The following NRXN3 variants were observed in gnomAD, a reference collection of about 807,000 sequenced individuals.
NRXN3 encodes the protein neurexin 3, also known as neurexin III.
A neutral mutation model predicts 137.6 loss-of-function variants in NRXN3; 32 were observed. The ratio of observed to expected loss-of-function variants is 0.23; its 90% CI spans 0.18 to 0.31. NRXN3 has a LOEUF of 0.31. Ranked by LOEUF, NRXN3 falls within the 10% of genes least tolerant of loss-of-function variation. NRXN3 has a pLI of 1.00. For synonymous variants in NRXN3, 798 were observed against 784.5 expected (o/e 1.02, Z -0.29); for missense variants, 1,574 against 2,062.5 (o/e 0.76, Z 4.59).
At chr14:78,728,679 C>T (rs1457441709) in intron 8 of NRXN3, among the ~76,000 whole-genome samples, 1 of 152,030 alleles carries the variant, frequency 6.6e-6, no homozygotes, top group Non-Finnish European at 1.5e-5. Context: ...GGGCGGATCA[C>T]GAGGTCATGA....
In NRXN3 at chr14:79,731,836, A is replaced by AT. The variant is rs888873335; in HGVS notation, c.4014+33909dup. ...TTTTTATTTTTTATTTTTTTTTTTA[A>AT]TTTTTTTTTTGGTTGCTTTTAGCCA... On this transcript the variant is annotated intron_variant, in intron 19 of 20. Transcript: ENST00000335750. Among the ~76,000 whole-genome samples the AT allele has an allele frequency of 7.0e-4, 102 of 146,158 alleles. 1 individual carries two copies. Among genetic ancestry groups the AT allele is most frequent in the South Asian group, 1.1e-3 (5 of 4,596 alleles).
intron 4 of NRXN3, among the ~76,000 whole-genome samples, chr14:78,503,490 C>A (rs1399657324): frequency 2.6e-5 from 4 of 152,114 alleles, no homozygotes; most frequent in East Asian, 1.9e-4. Flanking sequence ...CAGCTGGGAT[C>A]GTGATCTTCA....
intron 1 of NRXN3, among the ~76,000 whole-genome samples, chr14:78,197,519 C>T (rs2061337546): frequency 6.6e-6 from 1 of 152,238 alleles, no homozygotes; most frequent in Non-Finnish European, 1.5e-5. Flanking sequence ...GCCTCTCATG[C>T]TGCTTTCCTC....
chr14:79,540,389 A>T (rs1177978499), intron 16 of NRXN3, among the ~76,000 whole-genome samples: 1 of 152,168 alleles, frequency 6.6e-6, no homozygotes, highest in Non-Finnish European at 1.5e-5. Flanking sequence ...TGTTTAGCGT[A>T]TTCATCACCT....
At chr14:79,206,535 T>C (rs2066814515) in intron 15 of NRXN3, among the ~76,000 whole-genome samples, 1 of 152,194 alleles carries the variant, frequency 6.6e-6, no homozygotes, top group Admixed American at 6.5e-5. Flanking sequence ...TTCCATGAGC[T>C]GAAGTATACA....
chr14:78,827,883 C>T (rs1364353863), intron 10 of NRXN3, among the ~76,000 whole-genome samples: 1 of 152,216 alleles, frequency 6.6e-6, no homozygotes, highest in Non-Finnish European at 1.5e-5. Flanking sequence ...ACTTACAGAA[C>T]ACTTTGTTCT....
chr14:78,257,651 A>G (rs1397775558), intron 2 of NRXN3, among the ~76,000 whole-genome samples: 2 of 152,222 alleles, frequency 1.3e-5, no homozygotes, highest in Non-Finnish European at 2.9e-5. Context: ...TGCGGTAGTC[A>G]ATGTGGTTGG....
chr14:78,994,012 T>A (rs1245180905), intron 15 of NRXN3, among the ~76,000 whole-genome samples: 2 of 151,586 alleles, frequency 1.3e-5, no homozygotes, highest in African/African-American at 4.8e-5. Flanking sequence ...ACACACCACG[T>A]CCAGCTAATT....
chr14:79,830,559 G>A (rs1306510219), intron 20 of NRXN3, among the ~76,000 whole-genome samples: 1 of 152,142 alleles, frequency 6.6e-6, no homozygotes, highest in East Asian at 1.9e-4. Context: ...ATGAAAATTA[G>A]GGGTTGCCTA....
At chr14:79,711,905 C>G (rs1255427279) in intron 19 of NRXN3, among the ~76,000 whole-genome samples, 2 of 152,158 alleles carry the variant, frequency 1.3e-5, no homozygotes, top group Admixed American at 1.3e-4. Context: ...GACTGGATAA[C>G]TGGGAAGGGC....
At chr14:78,228,753 C>T (rs1443573775) in intron 1 of NRXN3, among the ~76,000 whole-genome samples, 2 of 152,192 alleles carry the variant, frequency 1.3e-5, no homozygotes, top group Non-Finnish European at 2.9e-5. Context: ...TCTAGTCTAG[C>T]TCTTAACTGA....
At chr14:78,510,324 A>G (rs1406555518) in intron 4 of NRXN3, among the ~76,000 whole-genome samples, 1 of 152,078 alleles carries the variant, frequency 6.6e-6, no homozygotes, top group Non-Finnish European at 1.5e-5. Flanking sequence ...TAATAATAAC[A>G]ATTAGTTAAC....
intron 15 of NRXN3, among the ~76,000 whole-genome samples, chr14:79,153,339 A>C (rs892579819): frequency 6.6e-6 from 1 of 152,026 alleles, no homozygotes; most frequent in Admixed American, 6.6e-5. Context: ...TTTTAGGAAT[A>C]TGATTATATA....
At chr14:79,576,147 T>C (rs762573362) in intron 16 of NRXN3, among the ~76,000 whole-genome samples, 10 of 152,184 alleles carry the variant, frequency 6.6e-5, no homozygotes, top group Non-Finnish European at 1.2e-4. Context: ...TAGCTAAGTA[T>C]AGGAGCAGAA....
At chr14:78,543,860 T>C (rs1325774742) in intron 4 of NRXN3, among the ~76,000 whole-genome samples, 2 of 151,990 alleles carry the variant, frequency 1.3e-5, no homozygotes, top group African/African-American at 4.8e-5. Flanking sequence ...AACAAAAAAG[T>C]CAAAGCCGGA....
intron 15 of NRXN3, among the ~76,000 whole-genome samples, chr14:79,259,304 T>C (rs1330402133): frequency 1.3e-5 from 2 of 152,084 alleles, no homozygotes; most frequent in African/African-American, 2.4e-5. Flanking sequence ...AGAGGAGGTG[T>C]TGGTCTTTCT....
At chr14:78,260,494 T>C (rs558445477) in intron 2 of NRXN3, among the ~76,000 whole-genome samples, 34 of 152,310 alleles carry the variant, frequency 2.2e-4, no homozygotes, top group African/African-American at 7.7e-4. Flanking sequence ...TTTAATTTCA[T>C]CCAAGTTGAA....
chr14:78,468,127 T>A (rs929298549), intron 4 of NRXN3, among the ~76,000 whole-genome samples: 3 of 152,080 alleles, frequency 2.0e-5, no homozygotes, highest in Admixed American at 2.0e-4. Context: ...TTTCACCAAG[T>A]TGGGTCTTAT....
At chr14:78,421,763 G>T (rs903309698) in intron 4 of NRXN3, among the ~76,000 whole-genome samples, 1 of 151,978 alleles carries the variant, frequency 6.6e-6, no homozygotes, top group South Asian at 2.1e-4. Context: ...GAGCTCATGC[G>T]ATCTGCCCTC....
Sources: gnomAD v4.1 joint callset for allele counts (sites outside exome capture counted in the v4.1 genomes callset) on GRCh38, gnomAD v4.1.1 for gene constraint, MANE v1.5 for transcripts, NCBI Gene and HGNC (gene_info 2026-07-23, HGNC 2026-07-21) for gene names.